GPR63: variants seen among roughly 807,000 people sequenced by gnomAD.
GPR63 encodes the protein G protein-coupled receptor 63, also known as probable G protein-coupled receptor 63.
GPR63 carries 12 observed loss-of-function variants against 23.1 expected under a neutral mutation model. That is an observed-to-expected ratio of 0.52 (90% CI 0.33 to 0.84). The LOEUF (loss-of-function observed/expected upper bound fraction) is 0.84, where lower values mean the gene tolerates loss of function less well. Among genes scored for constraint, GPR63 ranks in the 40% least tolerant of loss-of-function variants. The probability of loss-of-function intolerance (pLI) is 0.02; values close to 1 mark genes in which losing one functional copy is unlikely to be tolerated. For missense variants in GPR63, 472 were observed against 515.6 expected (o/e 0.92, Z 0.82); for synonymous variants, 172 against 191.1 (o/e 0.90, Z 0.82).
intron 1 of GPR63, among the ~76,000 whole-genome samples, chr6:96,802,273 T>C (rs1015214296): frequency 2.0e-5 from 3 of 152,152 alleles, no homozygotes; most frequent in Admixed American, 6.5e-5. Context: ...CATAAAAGCT[T>C]CCCACAACTA....
intron 1 of GPR63, among the ~76,000 whole-genome samples, chr6:96,821,485 CA>C (rs11343410): frequency 0.37 from 55,347 of 151,598 alleles, 10,737 homozygotes; most frequent in African/African-American, 0.5. Context: ...CTTTTCAGAA[CA>C]AAAAAAAGGT....
chr6:96,835,319 C>T (rs936193823), intron 1 of GPR63, among the ~76,000 whole-genome samples: 3 of 151,904 alleles, frequency 2.0e-5, no homozygotes, highest in South Asian at 4.1e-4. Flanking sequence ...TTTTTATATA[C>T]TCAATAGCAT....
At chr6:96,826,477 G>A (rs914642437) in intron 1 of GPR63, among the ~76,000 whole-genome samples, 1 of 151,952 alleles carries the variant, frequency 6.6e-6, no homozygotes. Context: ...AAAGAGAAAG[G>A]TATTTTGCTA....
intron 1 of GPR63, among the ~76,000 whole-genome samples, chr6:96,820,122 T>C (rs185782851): frequency 6.7e-6 from 1 of 149,714 alleles, no homozygotes; most frequent in Non-Finnish European, 1.5e-5. Context: ...AAAATCTTCT[T>C]GAACATTTCA....
intron 1 of GPR63, among the ~76,000 whole-genome samples, chr6:96,828,525 C>A (rs1484216830): frequency 1.4e-5 from 2 of 140,308 alleles, no homozygotes; most frequent in African/African-American, 2.7e-5. Flanking sequence ...AGATGTAGAA[C>A]TTATAGGTAA....
chr6:96,807,824 C>T (rs534632601), intron 1 of GPR63, among the ~76,000 whole-genome samples: 17 of 152,240 alleles, frequency 1.1e-4, no homozygotes, highest in African/African-American at 3.4e-4. Flanking sequence ...CTGTCTTAAG[C>T]TCTTTGAATA....
rs1304163846 is a variant in GPR63 at position 96,796,023 on chromosome 6, T to C, written c.*2449A>G. ...AAAACAACATGTTGAATAATATGCT[T>C]GAGTCCCCAAAGAGCTCTTTAACTG... is the stretch of plus-strand genomic sequence containing the variant. On this transcript the variant is annotated 3_prime_UTR_variant, in exon 2 of 2. Coordinates refer to ENST00000229955, the MANE Select transcript of GPR63 (RefSeq NM_030784.4). The C allele has an allele frequency of 6.6e-6, 1 of 152,176 alleles. No individual in the cohort carries two copies. The highest frequency in any genetic ancestry group is 1.5e-5 in the Non-Finnish European group (1 of 68,030). 9.4% of individuals were successfully genotyped at this position (152,176 alleles called of 1,614,324 possible).
chr6:96,836,628 C>A (rs550897407), intron 1 of GPR63, among the ~76,000 whole-genome samples: 1 of 151,894 alleles, frequency 6.6e-6, no homozygotes, highest in Admixed American at 6.6e-5. Context: ...TGAGCCTCCA[C>A]AACATATTTT....
intron 1 of GPR63, among the ~76,000 whole-genome samples, chr6:96,810,562 A>G (rs1774016533): frequency 6.6e-6 from 1 of 152,102 alleles, no homozygotes; most frequent in Non-Finnish European, 1.5e-5. Flanking sequence ...AATACCATGC[A>G]GCTATCACAA....
At chr6:96,819,814 T>C (rs1774259467) in intron 1 of GPR63, among the ~76,000 whole-genome samples, 1 of 149,698 alleles carries the variant, frequency 6.7e-6, no homozygotes, top group Admixed American at 6.6e-5. Context: ...CTACTAAAAA[T>C]ACAAAGACAA....
chr6:96,799,639 G>T lies in GPR63; in HGVS notation c.93C>A (p.Leu31=), dbSNP rs1401465396. 3 of 1,614,150 alleles carry T rather than the reference G, an allele frequency of 1.9e-6. No homozygotes were observed. Among genetic ancestry groups the T allele is most frequent in the Non-Finnish European group, 2.5e-6 (3 of 1,180,014 alleles). Residue 31 remains leucine (L), a synonymous_variant, in exon 2 of 2, where the codon CTC becomes CTA. Transcript: ENST00000229955. ...VYENTYMNIT[L]PPPFQHPDLS... is the part of the protein sequence containing the mutation. Reference sequence around the variant, plus strand: ...GGTCAGGATGCTGGAATGGTGGAGGGAGTGTAATATTCATGTAGGTGTTTT... The same window carrying T: ...GGTCAGGATGCTGGAATGGTGGAGGTAGTGTAATATTCATGTAGGTGTTTT...
In GPR63 at chr6:96,799,745, T is replaced by C; in HGVS notation, c.-14A>G. ...CGAGAAGACCATGGTTTCAGTAGGA[T>C]GGAAGATGCAAGCAGAGATGCAGGA... On this transcript the variant is annotated 5_prime_UTR_variant, in exon 2 of 2. Transcript: ENST00000229955. 1 of 1,614,046 alleles carries C rather than the reference T, an allele frequency of 6.2e-7. No homozygotes were observed. Among genetic ancestry groups the C allele is most frequent in the South Asian group, 1.1e-5 (1 of 91,074 alleles).
At chr6:96,806,601 A>T (rs2387699) in intron 1 of GPR63, among the ~76,000 whole-genome samples, 100,305 of 152,076 alleles carry the variant, frequency 0.66, 33,936 homozygotes, top group African/African-American at 0.81. Flanking sequence ...AGATCTTTAG[A>T]ATTTTGGAAC....
chr6:96,833,327 T>C (rs7763670), intron 1 of GPR63, among the ~76,000 whole-genome samples: 12,134 of 152,180 alleles, frequency 0.08, 840 homozygotes, highest in African/African-American at 0.19. Context: ...CCATACCAAA[T>C]ACATGGGATA....
intron 1 of GPR63, among the ~76,000 whole-genome samples, chr6:96,817,636 A>G (rs1257574700): frequency 2.0e-5 from 3 of 152,212 alleles, no homozygotes; most frequent in African/African-American, 7.2e-5. Flanking sequence ...CATTATATTC[A>G]TATAATCAAA....
intron 1 of GPR63, among the ~76,000 whole-genome samples, chr6:96,823,069 G>A (rs935072268): frequency 6.6e-6 from 1 of 152,132 alleles, no homozygotes. Context: ...TGAACCTTCT[G>A]TGCTGCCAGT....
intron 1 of GPR63, among the ~76,000 whole-genome samples, chr6:96,819,234 G>T (rs1774237176): frequency 6.6e-6 from 1 of 152,132 alleles, no homozygotes; most frequent in South Asian, 2.1e-4. Context: ...GTTTACTGCA[G>T]CACTATTTAC....
intron 1 of GPR63, among the ~76,000 whole-genome samples, chr6:96,823,412 T>G (rs1774359049): frequency 6.6e-6 from 1 of 152,004 alleles, no homozygotes; most frequent in Admixed American, 6.6e-5. Context: ...CAAAAAAGCT[T>G]AAAAGTTAAC....
chr6:96,834,417 T>C (rs1374915837), intron 1 of GPR63, among the ~76,000 whole-genome samples: 1 of 152,222 alleles, frequency 6.6e-6, no homozygotes, highest in East Asian at 1.9e-4. Flanking sequence ...ACATCAGCTC[T>C]TAAGATCTAT....
Sources: allele counts gnomAD v4.1 joint callset (sites outside exome capture counted in the v4.1 genomes callset), GRCh38; gene constraint gnomAD v4.1.1; transcripts MANE v1.5; gene names NCBI Gene and HGNC (gene_info 2026-07-23, HGNC 2026-07-21).